CACNA1H: variants seen among roughly 807,000 people sequenced by gnomAD.
The protein encoded by CACNA1H is calcium voltage-gated channel subunit alpha1 H, also known as voltage-dependent T-type calcium channel subunit alpha-1H.
In CACNA1H, 149 loss-of-function variants were observed where a neutral mutation model predicts 192.5. The ratio of observed to expected loss-of-function variants is 0.77; its 90% CI spans 0.68 to 0.89. CACNA1H has a LOEUF of 0.89. Ranked by LOEUF, CACNA1H falls within the 40% of genes least tolerant of loss-of-function variation. The probability of loss-of-function intolerance (pLI) is 0.00; values close to 1 mark genes in which losing one functional copy is unlikely to be tolerated. For synonymous variants in CACNA1H, 2,202 were observed against 1,475.2 expected, an observed-to-expected ratio of 1.49 and a Z score of -11.29; for missense variants, 4,257 against 3,423.5, an observed-to-expected ratio of 1.24 and a Z score of -6.08.
rs531989140 is a variant in CACNA1H, at chr16:1,208,284, T to C, written c.3363+63T>C. ...CAGGTTTTCCCTGCCTGGCTCCTTATGGCCTTCCCTGAAGATGAGTGAGGG... is the reference window on the plus strand; with the variant it reads ...CAGGTTTTCCCTGCCTGGCTCCTTACGGCCTTCCCTGAAGATGAGTGAGGG... On this transcript the variant is annotated intron_variant, in intron 16 of 34. Transcript: ENST00000348261. 4.3e-5 allele frequency: 52 copies of C among 1,196,844 alleles called. No homozygotes were observed. In the South Asian group the frequency reaches 6.0e-4, roughly 14 times the overall value. The allele number at this position is 1,196,844 out of a possible 1,614,324, so 74.1% of individuals were successfully genotyped here.
At chr16:1,154,438 G>C (rs956475351) in intron 2 of CACNA1H, among the ~76,000 whole-genome samples, 4 of 152,140 alleles carry the variant, frequency 2.6e-5, no homozygotes, top group Non-Finnish European at 5.9e-5. Context: ...CCCGAGGCAG[G>C]CCCCTCGCGG....
In CACNA1H at chr16:1,202,173, A is replaced by C. The variant is rs539533296; in HGVS notation, c.1723A>C (p.Ile575Leu). 6.4e-7 allele frequency: 1 copy of C among 1,552,282 alleles called. No individual in the cohort carries two copies. The highest frequency in any genetic ancestry group is 1.4e-5 in the African/African-American group (1 of 73,222). ...CCCCGACGCAGAGTCTGTGCACAGC[A>C]TCTACCATGCCGACTGCCACATAGA... ...GPPDAESVHS[I>L]YHADCHIEGP... The change falls in exon 9 of 35, where the codon ATC (isoleucine) becomes CTC (leucine). Residue 575 changes from isoleucine (I) to leucine (L), a missense_variant. Physicochemically the swap from Ile to Leu is conservative, Grantham distance 5 (BLOSUM62 2). Transcript: ENST00000348261.
chr16:1,205,620 C>T (rs1404449432), intron 11 of CACNA1H, among the ~76,000 whole-genome samples: 3 of 152,216 alleles, frequency 2.0e-5, no homozygotes, highest in Non-Finnish European at 4.4e-5. Flanking sequence ...CTGAATCCTG[C>T]TTGCTGCTGG....
intron 26 of CACNA1H, among the ~76,000 whole-genome samples, chr16:1,213,300 C>T (rs149735282): frequency 6.6e-6 from 1 of 152,218 alleles, no homozygotes; most frequent in South Asian, 2.1e-4. Context: ...CCCTGCCCAG[C>T]CCTTCATCAG....
chr16:1,207,985 G>A (rs1397730213), intron 15 of CACNA1H, 28 bp from the exon 16 acceptor site: 2 of 1,576,502 alleles, frequency 1.3e-6, no homozygotes, highest in Non-Finnish European at 1.7e-6. Context: ...GGCAGCTCTA[G>A]GGGCCCATTC....
intron 30 of CACNA1H, among the ~76,000 whole-genome samples, chr16:1,216,536 G>GGATCTCTGAGGTAGCCGCT (rs1970041770): frequency 6.6e-6 from 1 of 152,248 alleles, no homozygotes; most frequent in Non-Finnish European, 1.5e-5. Flanking sequence ...CCCCGCCATG[G>GGATCTCTGAGGTAGCCGCT]GATCTCTGAG....
At position 1,167,240 on chromosome 16, in the gene CACNA1H, T is replaced by C. The variant is rs1963882250; in HGVS notation, c.299+13204T>C. On this transcript the variant is annotated intron_variant, in intron 2 of 34. Transcript: ENST00000348261. This position sits in a 1 kb window ranked among gnomAD's most constrained non-coding sequence, Gnocchi z 4.2. ...CTCTTTGCGGGGGGCCTGTGGGGTATGGGCCTCCTGTCAGCAGCCCGTCCC... is the reference window on the plus strand; with the variant it reads ...CTCTTTGCGGGGGGCCTGTGGGGTACGGGCCTCCTGTCAGCAGCCCGTCCC... 1.3e-5 allele frequency among the ~76,000 whole-genome samples: 2 copies of C among 152,132 alleles called. 1 individual carries two copies. The highest frequency in any genetic ancestry group is 4.1e-4 in the South Asian group (2 of 4,828).
intron 5 of CACNA1H, among the ~76,000 whole-genome samples, chr16:1,197,351 C>A (rs987495333): frequency 6.6e-6 from 1 of 152,232 alleles, no homozygotes; most frequent in Non-Finnish European, 1.5e-5. Flanking sequence ...GTCTGCACGC[C>A]GGCCTGGCCC....
intron 18 of CACNA1H, 44 bp from the exon 19 acceptor site, chr16:1,210,326 C>T (rs1297689105): frequency 3.4e-6 from 5 of 1,458,676 alleles, no homozygotes; most frequent in Non-Finnish European, 4.6e-6. Flanking sequence ...ACTCTGCCAT[C>T]CACGCCGCCC....
chr16:1,206,909 T>TCCCCCCC, intron 12 of CACNA1H, 92 bp from the exon 13 acceptor site: 4 of 116,612 alleles, frequency 3.4e-5, no homozygotes, highest in South Asian at 1.3e-4. Flanking sequence ...GTCCTGCCCC[T>TCCCCCCC]CCCTCCTCCC....
Position 1,220,130 on chromosome 16 carries a change from C to A in CACNA1H, c.6198C>A (p.Ser2066Arg). Residue 2066 changes from serine (S) to arginine (R), a missense_variant, in exon 35 of 35, where the codon AGC becomes AGA. Transcript: ENST00000348261. ...CACCACGCTCCCCACGGCCCGCCAG[C>A]GTCCGCACTCGTAAGCATACCTTCG... Reference protein sequence around the residue: ...QSPPRSPRPASVRTRKHTFGQ... With the variant: ...QSPPRSPRPARVRTRKHTFGQ... 1 of 1,495,130 alleles carries A rather than the reference C, an allele frequency of 6.7e-7. No homozygotes were observed. The highest frequency in any genetic ancestry group is 1.4e-5 in the South Asian group (1 of 71,354). 92.6% of individuals were successfully genotyped at this position (1,495,130 alleles called of 1,614,324 possible).
intron 26 of CACNA1H, among the ~76,000 whole-genome samples, chr16:1,213,453 G>GT (rs1234050758): frequency 6.6e-6 from 1 of 152,098 alleles, no homozygotes; most frequent in East Asian, 1.9e-4. Flanking sequence ...ACCCACTCCT[G>GT]GGGGCTGCCT....
chr16:1,160,509 C>T (rs1054631753), intron 2 of CACNA1H, among the ~76,000 whole-genome samples: 1 of 152,190 alleles, frequency 6.6e-6, no homozygotes. Context: ...GGCAGCAGGT[C>T]TGGGCACCGT....
chr16:1,213,973 C>A, intron 27 of CACNA1H, 42 bp downstream of exon 27: 2 of 1,550,416 alleles, frequency 1.3e-6, no homozygotes, highest in Non-Finnish European at 1.8e-6. Flanking sequence ...GGCTGGGGCA[C>A]CCCCAGTGGG....
chr16:1,171,220 G>A (rs569118963), intron 2 of CACNA1H, among the ~76,000 whole-genome samples: 1 of 152,116 alleles, frequency 6.6e-6, no homozygotes, highest in East Asian at 1.9e-4. Flanking sequence ...CGCCGCCCAG[G>A]ATCACCTCCT....
At position 1,206,297 on chromosome 16, in the gene CACNA1H, C is replaced by T; in HGVS notation, c.2789+8C>T. 6.5e-7 allele frequency: 1 copy of T among 1,550,178 alleles called. No individual in the cohort carries two copies. Among genetic ancestry groups the T allele is most frequent in the Non-Finnish European group, 8.7e-7 (1 of 1,147,388 alleles). On this transcript the variant is annotated splice_region_variant and intron_variant, in intron 12 of 34. Coordinates refer to ENST00000348261, the MANE Select transcript of CACNA1H (RefSeq NM_021098.3). ...CTTCATTTTCATCTTCAGGTGGGCG[C>T]AACCCCCCTCCCGGCCCGCCCAGTG...
At chr16:1,213,637 C>A in intron 26 of CACNA1H, 143 bp from the exon 27 acceptor site, 1 of 553,062 alleles carries the variant, frequency 1.8e-6, no homozygotes, top group Non-Finnish European at 3.1e-6. Flanking sequence ...TGCCATGAGG[C>A]AGGGCCAGCC....
chr16:1,212,253 C>G, intron 25 of CACNA1H, 115 bp downstream of exon 25: 1 of 1,412,138 alleles, frequency 7.1e-7, no homozygotes, highest in Admixed American at 2.4e-5. Flanking sequence ...ACGCCACCCG[C>G]CTTGCCTGGG....
At position 1,209,198 on chromosome 16, in the gene CACNA1H, A is replaced by G; in HGVS notation, c.3530A>G (p.Asp1177Gly). ...LSGEGKGSTD[D>G]EAEDGRAAPG... is the part of the protein sequence containing the mutation. ...GGCGAGGGCAAGGGCAGCACCGACG[A>G]CGAAGCTGAGGACGGCAGGGCCGCG... The change falls in exon 17 of 35, where the codon GAC becomes GGC. Residue 1177 changes from aspartate (D) to glycine (G), a missense_variant. Physicochemically the swap from Asp to Gly is moderately conservative, Grantham distance 94. Transcript: ENST00000348261. 6.4e-7 allele frequency: 1 copy of G among 1,552,174 alleles called. No homozygotes were observed. The highest frequency in any genetic ancestry group is 8.7e-7 in the Non-Finnish European group (1 of 1,149,142).
Sources: allele counts gnomAD v4.1 joint callset (sites outside exome capture counted in the v4.1 genomes callset), GRCh38; gene constraint gnomAD v4.1.1; non-coding constraint Gnocchi (gnomAD v3.1); transcripts MANE v1.5; gene names NCBI Gene and HGNC (gene_info 2026-07-23, HGNC 2026-07-21).